Variants in TMTC2 observed in about 807,000 individuals in gnomAD.
TMTC2 encodes transmembrane O-mannosyltransferase targeting cadherins 2, also known as protein O-mannosyl-transferase TMTC2.
Under a neutral mutation model 82.4 loss-of-function variants are expected in TMTC2, and 43 were observed. The ratio of observed to expected loss-of-function variants is 0.52; its 90% CI spans 0.41 to 0.67. TMTC2 has a LOEUF of 0.67. TMTC2 is among the 30% of genes least tolerant of loss of function. The pLI, the probability that TMTC2 is intolerant of heterozygous loss-of-function variation, is 0.00. For synonymous variants in TMTC2, 408 were observed against 381.9 expected (o/e 1.07, Z -0.80); for missense variants, 919 against 1,012.4 (o/e 0.91, Z 1.25).
At chr12:82,820,276 C>T (rs1869011071) in intron 1 of TMTC2, among the ~76,000 whole-genome samples, 1 of 152,136 alleles carries the variant, frequency 6.6e-6, no homozygotes. Context: ...ATAGACACAC[C>T]CAGGAACAAT....
In TMTC2 at chr12:83,132,384, A is replaced by C. The variant is rs747886134; in HGVS notation, c.2506A>C (p.Thr836Pro). ...AAAACAAGGCTTAAAGACTTCTAAGACCTGACACAGGAGGCAGAAGCCCAT... is the reference window on the plus strand; with the variant it reads ...AAAACAAGGCTTAAAGACTTCTAAGCCCTGACACAGGAGGCAGAAGCCCAT... ...MEKQGLKTSK[T>P] Residue 836 changes from threonine to proline, a missense_variant, in exon 12 of 12, where the codon ACC (threonine) becomes CCC (proline). By Grantham distance (38) the Thr-to-Pro change is conservative (BLOSUM62 -1). Transcript: ENST00000321196. 1.1e-5 allele frequency: 18 copies of C among 1,613,252 alleles called. No homozygotes were observed. The highest frequency in any genetic ancestry group is 1.5e-5 in the Non-Finnish European group (18 of 1,179,792).
intron 9 of TMTC2, among the ~76,000 whole-genome samples, chr12:83,033,706 G>A (rs1179923092): frequency 2.6e-5 from 4 of 151,498 alleles, no homozygotes; most frequent in African/African-American, 2.4e-5. Flanking sequence ...AGCCAAGATC[G>A]CACCACTGCA....
intron 1 of TMTC2, among the ~76,000 whole-genome samples, chr12:82,782,407 C>T (rs1052818619): frequency 6.6e-6 from 1 of 152,104 alleles, no homozygotes. Flanking sequence ...TGATTACAGG[C>T]TTTATTCAGT....
chr12:82,752,702 C>T (rs1342668132), intron 1 of TMTC2, among the ~76,000 whole-genome samples: 1 of 151,550 alleles, frequency 6.6e-6, no homozygotes, highest in Non-Finnish European at 1.5e-5. Context: ...TCTTAGTGGA[C>T]ATGAGTAAAC....
chr12:82,986,449 C>T (rs904262885), intron 8 of TMTC2: 1 of 156,604 alleles, frequency 6.4e-6, no homozygotes, highest in Non-Finnish European at 1.4e-5. Flanking sequence ...ATGCCATGAT[C>T]GTTGATGTAA....
At chr12:82,730,263 C>G (rs1298361516) in intron 1 of TMTC2, among the ~76,000 whole-genome samples, 3 of 144,522 alleles carry the variant, frequency 2.1e-5, no homozygotes, top group African/African-American at 7.8e-5. Flanking sequence ...CTACTGCACT[C>G]CAGCCTGGGC....
intron 1 of TMTC2, among the ~76,000 whole-genome samples, chr12:82,756,792 T>C (rs1876355228): frequency 6.6e-6 from 1 of 152,154 alleles, no homozygotes; most frequent in South Asian, 2.1e-4. Context: ...ATGGCCCTAC[T>C]GGCTGTATAT....
chr12:82,998,847 G>C (rs1240173726), intron 8 of TMTC2, among the ~76,000 whole-genome samples: 1 of 151,922 alleles, frequency 6.6e-6, no homozygotes, highest in Non-Finnish European at 1.5e-5. Flanking sequence ...ATAAAACAAA[G>C]GCTATAATTT....
At chr12:82,690,927 C>T (rs1872546018) in intron 1 of TMTC2, among the ~76,000 whole-genome samples, 1 of 152,128 alleles carries the variant, frequency 6.6e-6, no homozygotes, top group Admixed American at 6.5e-5. Flanking sequence ...GACATGGCAT[C>T]ACTTTTTTCT....
At chr12:83,122,874 G>A (rs1232569477) in intron 11 of TMTC2, among the ~76,000 whole-genome samples, 1 of 152,166 alleles carries the variant, frequency 6.6e-6, no homozygotes, top group African/African-American at 2.4e-5. Context: ...TCTAGGTTTT[G>A]CATTTGAGTC....
At chr12:83,075,550 T>C (rs1883260963) in intron 11 of TMTC2, among the ~76,000 whole-genome samples, 1 of 152,220 alleles carries the variant, frequency 6.6e-6, no homozygotes, top group Non-Finnish European at 1.5e-5. Context: ...CAGATATCAT[T>C]GAAACAAGAC....
At chr12:82,914,414 A>G (rs1267937321) in intron 3 of TMTC2, among the ~76,000 whole-genome samples, 1 of 152,210 alleles carries the variant, frequency 6.6e-6, no homozygotes, top group Non-Finnish European at 1.5e-5. Context: ...ATTAACATAT[A>G]GAAGTTAACA....
intron 1 of TMTC2, among the ~76,000 whole-genome samples, chr12:82,781,893 C>G (rs964914528): frequency 6.6e-6 from 1 of 151,806 alleles, no homozygotes; most frequent in Non-Finnish European, 1.5e-5. Context: ...TTCCTGGGGC[C>G]TGTTTAATGC....
At chr12:83,093,169 G>A (rs568053582) in intron 11 of TMTC2, among the ~76,000 whole-genome samples, 1 of 152,248 alleles carries the variant, frequency 6.6e-6, no homozygotes, top group South Asian at 2.1e-4. Flanking sequence ...TCCCTTAGAA[G>A]CATGTGGACT....
intron 8 of TMTC2, among the ~76,000 whole-genome samples, chr12:83,026,705 AGTGTGTGTGTGTGT>A (rs67900968): frequency 4.2e-5 from 6 of 143,018 alleles, no homozygotes; most frequent in South Asian, 2.3e-4. Context: ...TGATTGAAGG[AGTGTGTGTGTGTGT>A]GTGTGTGTGT....
At chr12:82,874,525 A>C (rs1220640132) in intron 2 of TMTC2, among the ~76,000 whole-genome samples, 2 of 152,200 alleles carry the variant, frequency 1.3e-5, no homozygotes, top group African/African-American at 4.8e-5. Flanking sequence ...ATTAAGTTCC[A>C]AAGTGCTTAT....
chr12:83,007,349 A>G (rs1880251422), intron 8 of TMTC2, among the ~76,000 whole-genome samples: 4 of 152,102 alleles, frequency 2.6e-5, no homozygotes, highest in Admixed American at 2.6e-4. Context: ...CAGTCTTAGG[A>G]CTGCTTTTGC....
Position 82,896,478 on chromosome 12 carries a change from G to A in TMTC2, c.1315G>A (p.Ala439Thr), listed in dbSNP as rs766239559. The change falls in exon 3 of 12, where the codon GCT becomes ACT. Residue 439 changes from alanine (A) to threonine (T), a missense_variant. Physicochemically the swap from Ala to Thr is moderately conservative, Grantham distance 58. Transcript: ENST00000321196. ...MGFCLLITVG[A>T]RALYVKVQKR... is the part of the protein sequence containing the mutation. Reference sequence around the variant, plus strand: ...CTTCTGCCTACTGATTACAGTGGGTGCTAGAGCCCTTTATGTCAAAGTCCA... The same window carrying A: ...CTTCTGCCTACTGATTACAGTGGGTACTAGAGCCCTTTATGTCAAAGTCCA... 88 of 1,614,032 alleles carry A rather than the reference G, an allele frequency of 5.5e-5. No individual in the cohort carries two copies. Among genetic ancestry groups the A allele is most frequent in the Admixed American group, 1.7e-4 (10 of 59,994 alleles).
In TMTC2 at chr12:82,776,615, G is replaced by GAA. The variant is rs750550745; in HGVS notation, c.84-80376_84-80375dup. Among the ~76,000 whole-genome samples the GAA allele has an allele frequency of 2.6e-3, 229 of 87,326 alleles. 2 individuals are homozygous for GAA. Among genetic ancestry groups the GAA allele is most frequent in the African/African-American group, 6.5e-3 (171 of 26,152 alleles). 57.3% of individuals were successfully genotyped at this position (87,326 alleles called of 152,430 possible). On this transcript the variant is annotated intron_variant, in intron 1 of 11. Coordinates refer to ENST00000321196, the MANE Select transcript of TMTC2 (RefSeq NM_152588.3). ...GCAACAGAAAGATGTTGTCTCTAAT[G>GAA]AAAAAAAAAAAAAAAAAAAAGAATC...
Sources: allele counts gnomAD v4.1 joint callset (sites outside exome capture counted in the v4.1 genomes callset), GRCh38; gene constraint gnomAD v4.1.1; transcripts MANE v1.5; gene names NCBI Gene and HGNC (gene_info 2026-07-23, HGNC 2026-07-21).